The following PCSK5 variants were observed in gnomAD, a reference collection of about 807,000 sequenced individuals.
PCSK5 encodes the protein proprotein convertase subtilisin/kexin type 5.
In PCSK5, 129 loss-of-function variants were observed where a neutral mutation model predicts 233.2. The observed-to-expected ratio is 0.55, with a 90% CI of 0.48 to 0.64. The LOEUF is 0.64. Among genes scored for constraint, PCSK5 ranks in the 30% least tolerant of loss-of-function variants. PCSK5 has a pLI of 0.00. For synonymous variants in PCSK5, 825 were observed against 879.2 expected, an observed-to-expected ratio of 0.94 and a Z score of 1.09; for missense variants, 2,076 against 2,430.1, an observed-to-expected ratio of 0.85 and a Z score of 3.06.
At chr9:76,289,300 T>C (rs1287060742) in intron 24 of PCSK5, among the ~76,000 whole-genome samples, 4 of 152,114 alleles carry the variant, frequency 2.6e-5, no homozygotes, top group African/African-American at 7.2e-5. Flanking sequence ...TGAGGCTCTC[T>C]CTGAATTCTG....
intron 9 of PCSK5, among the ~76,000 whole-genome samples, chr9:76,117,209 G>A (rs1002877741): frequency 6.6e-6 from 1 of 152,036 alleles, no homozygotes; most frequent in African/African-American, 2.4e-5. Context: ...AACATGCATG[G>A]TCCTTGCCAG....
Position 76,107,341 on chromosome 9 carries a change from C to G in PCSK5, c.1198C>G (p.Leu400Val). 1 of 1,612,360 alleles carries G rather than the reference C, an allele frequency of 6.2e-7. No homozygotes were observed. The highest frequency in any genetic ancestry group is 1.1e-5 in the South Asian group (1 of 91,040). Residue 400 changes from leucine to valine, a missense_variant, in exon 9 of 38, where the codon CTG becomes GTG. Leu to Val is a conservative substitution (Grantham distance 32). Transcript: ENST00000674117. ...GGCTGCAGGCATCATTGCGCTGGCC[C>G]TGGAAGCCAAGTAAGCCTTGATCTC... Reference protein sequence around the residue: ...PMAAGIIALALEANPFLTWRD... With the variant: ...PMAAGIIALAVEANPFLTWRD...
chr9:76,319,592 C>T (rs1829133816), intron 30 of PCSK5, among the ~76,000 whole-genome samples: 1 of 152,084 alleles, frequency 6.6e-6, no homozygotes, highest in African/African-American at 2.4e-5. Flanking sequence ...GCGGTAACGC[C>T]AGTGTCTGGG....
At chr9:76,186,554 G>A (rs1397156633) in intron 17 of PCSK5, among the ~76,000 whole-genome samples, 1 of 152,128 alleles carries the variant, frequency 6.6e-6, no homozygotes, top group Non-Finnish European at 1.5e-5. Flanking sequence ...AAGTGCATTA[G>A]CCTCGCAGTA....
At chr9:75,993,286 A>G (rs1826854526) in intron 3 of PCSK5, among the ~76,000 whole-genome samples, 1 of 152,090 alleles carries the variant, frequency 6.6e-6, no homozygotes, top group Non-Finnish European at 1.5e-5. Context: ...GACTGGTAGG[A>G]ACTAGTAAGA....
intron 22 of PCSK5, among the ~76,000 whole-genome samples, chr9:76,235,302 C>CA (rs781224164): frequency 1.2e-4 from 15 of 125,136 alleles, no homozygotes; most frequent in African/African-American, 3.7e-4. Context: ...TTATTTGCAA[C>CA]AAAAAAAAAG....
At position 76,310,738 on chromosome 9, in the gene PCSK5, C is replaced by T; in HGVS notation, c.3771C>T (p.Asn1257=). 2 of 1,612,324 alleles carry T rather than the reference C, an allele frequency of 1.2e-6. No homozygotes were observed. Among genetic ancestry groups the T allele is most frequent in the Non-Finnish European group, 1.7e-6 (2 of 1,179,566 alleles). Residue 1257 remains asparagine, a synonymous_variant, in exon 30 of 38, where the codon AAC becomes AAT. Coordinates refer to ENST00000674117, the MANE Select transcript of PCSK5 (RefSeq NM_001372043.1). Reference sequence around the variant, plus strand: ...CCGTAAGGAGTGGGAGCTGCGAGAACTGTACGGAGGCCTGTGCCATCTGCT... The same window carrying T: ...CCGTAAGGAGTGGGAGCTGCGAGAATTGTACGGAGGCCTGTGCCATCTGCT... ...WPSVRSGSCE[N]CTEACAICSG...
intron 2 of PCSK5, among the ~76,000 whole-genome samples, chr9:75,947,716 A>G (rs79019815): frequency 0.022 from 3,378 of 152,268 alleles, 58 homozygotes; most frequent in Non-Finnish European, 0.031. Context: ...TTGTGCAGAG[A>G]AAAAAGAAGA....
At chr9:76,123,851 A>G (rs1439182194) in intron 9 of PCSK5, among the ~76,000 whole-genome samples, 1 of 152,164 alleles carries the variant, frequency 6.6e-6, no homozygotes, top group Non-Finnish European at 1.5e-5. Context: ...TCTCAGGTTT[A>G]TTTCTTTTAA....
intron 34 of PCSK5, among the ~76,000 whole-genome samples, chr9:76,332,852 T>A (rs1829574924): frequency 6.6e-6 from 1 of 152,178 alleles, no homozygotes; most frequent in Admixed American, 6.5e-5. Flanking sequence ...GCAATTGATC[T>A]TCCTCAACGA....
chr9:76,194,788 A>G (rs1564099607), intron 20 of PCSK5: 7 of 465,746 alleles, frequency 1.5e-5, no homozygotes, highest in South Asian at 1.1e-4. Context: ...TCTTCATATC[A>G]AAGCTTCATT....
intron 9 of PCSK5, among the ~76,000 whole-genome samples, chr9:76,112,131 T>A (rs1832244007): frequency 6.6e-6 from 1 of 152,166 alleles, no homozygotes; most frequent in Non-Finnish European, 1.5e-5. Flanking sequence ...CCTTTCTGCT[T>A]CTAATTGCAA....
intron 10 of PCSK5, among the ~76,000 whole-genome samples, chr9:76,143,920 G>A (rs549247612): frequency 3.3e-4 from 50 of 152,026 alleles, no homozygotes; most frequent in Admixed American, 4.6e-4. Context: ...CATGACTTCC[G>A]AAAAGCCATC....
intron 20 of PCSK5, among the ~76,000 whole-genome samples, chr9:76,222,293 G>A (rs1051666157): frequency 6.6e-6 from 1 of 152,008 alleles, no homozygotes; most frequent in Non-Finnish European, 1.5e-5. Flanking sequence ...TGAAGTATTG[G>A]CCTGCTAAGA....
At position 76,296,731 on chromosome 9, in the gene PCSK5, C is replaced by T; in HGVS notation, c.3389C>T (p.Ser1130Phe). The T allele has an allele frequency of 6.2e-7, 1 of 1,612,266 alleles. No homozygotes were observed. The highest frequency in any genetic ancestry group is 8.5e-7 in the Non-Finnish European group (1 of 1,179,470). Reference sequence around the variant, plus strand: ...GACCAAGAAATGGGAGAATGTGAGTCCTGCCACCGAGCATGCGAAACCTGC... The same window carrying T: ...GACCAAGAAATGGGAGAATGTGAGTTCTGCCACCGAGCATGCGAAACCTGC... Reference protein sequence around the residue: ...YGDQEMGECESCHRACETCTG... With the variant: ...YGDQEMGECEFCHRACETCTG... Residue 1130 changes from serine (S) to phenylalanine (F), a missense_variant, in exon 27 of 38, where the codon TCC becomes TTC. Physicochemically the swap from Ser to Phe is radical, Grantham distance 155 (BLOSUM62 -2). Transcript: ENST00000674117.
chr9:76,153,470 A>C (rs1823756785), intron 10 of PCSK5, among the ~76,000 whole-genome samples: 2 of 152,214 alleles, frequency 1.3e-5, no homozygotes, highest in Admixed American at 6.5e-5. Context: ...TGCATTTTAC[A>C]CAGTGCTTGC....
In PCSK5 at chr9:76,296,672, T is replaced by C; in HGVS notation, c.3330T>C (p.Ser1110=). Residue 1110 remains serine (S), a synonymous_variant, in exon 27 of 38, where the codon AGT becomes AGC. Transcript: ENST00000674117. ...CEEGFFLLGG[S]CVRKCGPGFY... is the part of the protein sequence containing the mutation. Reference sequence around the variant, plus strand: ...CTCTGTGTTCTCACATAGGTGGCAGTTGTGTGAGGAAATGTGGTCCTGGAT... The same window carrying C: ...CTCTGTGTTCTCACATAGGTGGCAGCTGTGTGAGGAAATGTGGTCCTGGAT... The C allele has an allele frequency of 6.2e-7, 1 of 1,606,102 alleles. No homozygotes were observed. Among genetic ancestry groups the C allele is most frequent in the South Asian group, 1.1e-5 (1 of 90,928 alleles).
chr9:75,928,596 CATATATATATATAT>C lies in PCSK5; in HGVS notation c.193-3753_193-3740del, dbSNP rs61537466. On this transcript the variant is annotated intron_variant, in intron 1 of 37. Coordinates refer to ENST00000674117, the MANE Select transcript of PCSK5 (RefSeq NM_001372043.1). ...ATAAACATGCTTTTACATATAAATA[CATATATATATATAT>C]ATATATATATATATATATATATATA... Among the ~76,000 whole-genome samples, 254 of 68,418 alleles carry C rather than the reference CATATATATATATAT, an allele frequency of 3.7e-3. 4 individuals carry two copies. The highest frequency in any genetic ancestry group is 0.014 in the East Asian group (24 of 1,752). The allele number at this position is 68,418 out of a possible 152,430, so 44.9% of individuals were successfully genotyped here.
In PCSK5 at chr9:76,362,578, A is replaced by G. The variant is rs1218783672; in HGVS notation, c.*3656A>G. Among the ~76,000 whole-genome samples, 1 of 152,236 alleles carries G rather than the reference A, an allele frequency of 6.6e-6. No homozygotes were observed. Among genetic ancestry groups the G allele is most frequent in the Non-Finnish European group, 1.5e-5 (1 of 68,046 alleles). On this transcript the variant is annotated 3_prime_UTR_variant, in exon 38 of 38. Transcript: ENST00000674117. ...AATCTAAGGGAGGAAACCACCCCTC[A>G]TATTGTCTTATGCCCAATTTCTGCC...
Sources: gnomAD v4.1 joint callset for allele counts (sites outside exome capture counted in the v4.1 genomes callset) on GRCh38, gnomAD v4.1.1 for gene constraint, MANE v1.5 for transcripts, NCBI Gene and HGNC (gene_info 2026-07-23, HGNC 2026-07-21) for gene names.